The following CUX1 variants were observed in gnomAD, a reference collection of about 807,000 sequenced individuals.
CUX1 encodes cut like homeobox 1.
In CUX1, 31 loss-of-function variants were observed where a neutral mutation model predicts 158.8. The ratio of observed to expected loss-of-function variants is 0.20; its 90% CI spans 0.15 to 0.26. The LOEUF (loss-of-function observed/expected upper bound fraction) is 0.26, where lower values mean the gene tolerates loss of function less well. CUX1 is among the 10% of genes least tolerant of loss of function. CUX1 has a pLI of 1.00. For synonymous variants in CUX1, 879 were observed against 862.1 expected, an observed-to-expected ratio of 1.02 and a Z score of -0.34; for missense variants, 1,589 against 2,014.6, an observed-to-expected ratio of 0.79 and a Z score of 4.04.
At chr7:102,187,971 G>A (rs1273995010) in intron 11 of CUX1, among the ~76,000 whole-genome samples, 6 of 151,960 alleles carry the variant, frequency 3.9e-5, no homozygotes, top group African/African-American at 1.4e-4. Context: ...CACTTTGGGA[G>A]GCTGAAGTGG....
At chr7:101,833,337 C>G (rs1410436250) in intron 1 of CUX1, among the ~76,000 whole-genome samples, 1 of 151,452 alleles carries the variant, frequency 6.6e-6, no homozygotes, top group Non-Finnish European at 1.5e-5. Flanking sequence ...TTGCTTGAGC[C>G]CAGTTGTTCA....
intron 20 of CUX1, among the ~76,000 whole-genome samples, chr7:102,215,098 A>G (rs1467257444): frequency 6.6e-6 from 1 of 152,200 alleles, no homozygotes; most frequent in South Asian, 2.1e-4. Flanking sequence ...CTTCCTCGCC[A>G]TCAGGCCTTC....
intron 1 of CUX1, among the ~76,000 whole-genome samples, chr7:101,889,904 G>A (rs1366439245): frequency 6.6e-6 from 1 of 152,200 alleles, no homozygotes; most frequent in Non-Finnish European, 1.5e-5. Flanking sequence ...AAACTCTCTC[G>A]CGATCCCAGT....
At chr7:101,968,954 G>A (rs556555151) in intron 2 of CUX1, among the ~76,000 whole-genome samples, 33 of 152,132 alleles carry the variant, frequency 2.2e-4, no homozygotes, top group Non-Finnish European at 3.7e-4. Context: ...AGTGGTGAGA[G>A]TAACAGAGAT....
At chr7:102,161,427 T>C (rs1226156066) in intron 9 of CUX1, 1 of 152,114 alleles carries the variant, frequency 6.6e-6, no homozygotes, top group Non-Finnish European at 1.5e-5. Context: ...GGGGGAATTG[T>C]AAAGTCCTGC....
At chr7:102,233,886 G>A (rs567456828) in intron 21 of CUX1, among the ~76,000 whole-genome samples, 166 bp from the exon 22 acceptor site, 138 of 152,310 alleles carry the variant, frequency 9.1e-4, no homozygotes, top group African/African-American at 3.2e-3. Flanking sequence ...TTATAAGTCT[G>A]GTTGAAGATA....
intron 11 of CUX1, among the ~76,000 whole-genome samples, chr7:102,182,670 G>A (rs1382317285): frequency 2.0e-5 from 3 of 152,204 alleles, no homozygotes; most frequent in Non-Finnish European, 2.9e-5. Flanking sequence ...CACTTGTAAA[G>A]AAGAACTGTT....
rs781976819 is a variant in CUX1, at chr7:102,195,488, C to G, written c.1126-19C>G. On this transcript the variant is annotated intron_variant, in intron 13 of 23. Transcript: ENST00000292535. ...GAGTGGCCGGCCCCGCAGTGAGACCCCCGCTCTGCCCCTTCTAGGATGCGG... is the reference window on the plus strand; with the variant it reads ...GAGTGGCCGGCCCCGCAGTGAGACCGCCGCTCTGCCCCTTCTAGGATGCGG... 1 of 1,601,678 alleles carries G rather than the reference C, an allele frequency of 6.2e-7. No individual in the cohort carries two copies. The highest frequency in any genetic ancestry group is 8.5e-7 in the Non-Finnish European group (1 of 1,175,474).
chr7:102,205,639 T>G (rs1795871320), intron 20 of CUX1, among the ~76,000 whole-genome samples: 1 of 152,078 alleles, frequency 6.6e-6, no homozygotes, highest in Non-Finnish European at 1.5e-5. Context: ...AGAAAGGAAA[T>G]GGCCAGGAAG....
At chr7:102,281,792 G>A in intron 20 of CUX1, 1 of 1,257,452 alleles carries the variant, frequency 8.0e-7, no homozygotes, top group East Asian at 2.3e-5. Context: ...GCCCTGCAGG[G>A]GTGGGTGAGG....
In CUX1 at chr7:102,254,519, C is replaced by T. The variant is rs1789673041; in HGVS notation, c.*5477C>T. The T allele has an allele frequency of 2.0e-6, 2 of 985,416 alleles. No individual in the cohort carries two copies. The highest frequency in any genetic ancestry group is 4.7e-5 in the South Asian group (1 of 21,288). The allele number at this position is 985,416 out of a possible 1,614,324, so 61.0% of individuals were successfully genotyped here. A position where few individuals can be genotyped will look rare whatever the true frequency, so the allele number is the denominator to read the frequency against. On this transcript the variant is annotated 3_prime_UTR_variant, in exon 24 of 24. Coordinates refer to ENST00000292535, the MANE Select transcript of CUX1 (RefSeq NM_181552.4). ...CCCATCCAGCACCGAAGAAAATCAG[C>T]TCCTGGGGCTGGTGGTTGGAGGTGG...
chr7:101,966,091 G>C (rs567939691), intron 2 of CUX1, among the ~76,000 whole-genome samples: 4 of 151,962 alleles, frequency 2.6e-5, no homozygotes, highest in Non-Finnish European at 4.4e-5. Context: ...TTGGGACAGG[G>C]TCTCACTCTG....
At chr7:102,275,405 A>C (rs200598550) in intron 17 of CUX1, 4 of 1,436,552 alleles carry the variant, frequency 2.8e-6, no homozygotes, top group Non-Finnish European at 3.9e-6. Flanking sequence ...GCCCAAGGAC[A>C]CAGTTGGGGA....
At chr7:102,071,598 C>A (rs996303061) in intron 4 of CUX1, among the ~76,000 whole-genome samples, 1 of 151,968 alleles carries the variant, frequency 6.6e-6, no homozygotes, top group Non-Finnish European at 1.5e-5. Context: ...GTTAGCAATT[C>A]TCTGAATATC....
At chr7:102,205,641 G>A (rs1338498961) in intron 20 of CUX1, among the ~76,000 whole-genome samples, 3 of 152,170 alleles carry the variant, frequency 2.0e-5, no homozygotes, top group African/African-American at 7.2e-5. Context: ...AAAGGAAATG[G>A]CCAGGAAGCC....
chr7:101,907,363 T>G (rs553705396), intron 1 of CUX1, among the ~76,000 whole-genome samples: 1 of 152,172 alleles, frequency 6.6e-6, no homozygotes, highest in East Asian at 1.9e-4. Context: ...TTTTTTATTT[T>G]TTGAGACCAG....
chr7:102,076,553 G>A (rs1265747210), intron 4 of CUX1, among the ~76,000 whole-genome samples: 1 of 151,948 alleles, frequency 6.6e-6, no homozygotes, highest in South Asian at 2.1e-4. Context: ...TCAGTTTCGC[G>A]AGTACTATCA....
At chr7:101,896,918 C>T (rs1315394320) in intron 1 of CUX1, among the ~76,000 whole-genome samples, 1 of 152,132 alleles carries the variant, frequency 6.6e-6, no homozygotes, top group East Asian at 1.9e-4. Flanking sequence ...CAGTATTATC[C>T]TTTTTGTATA....
intron 1 of CUX1, among the ~76,000 whole-genome samples, chr7:101,900,605 G>A (rs1265616447): frequency 2.5e-4 from 38 of 152,156 alleles, no homozygotes; most frequent in Admixed American, 2.5e-3. Flanking sequence ...TTTCCCAGGA[G>A]CCAGTTGGCA....
Sources: allele counts gnomAD v4.1 joint callset (sites outside exome capture counted in the v4.1 genomes callset), GRCh38; gene constraint gnomAD v4.1.1; transcripts MANE v1.5; gene names NCBI Gene and HGNC (gene_info 2026-07-23, HGNC 2026-07-21).